The following WDR70 variants were observed in gnomAD, a reference collection of about 807,000 sequenced individuals.
WDR70 encodes the protein WD repeat domain 70.
A neutral mutation model predicts 88.6 loss-of-function variants in WDR70; 53 were observed. That is an observed-to-expected ratio of 0.60 (90% CI 0.48 to 0.75). WDR70 has a LOEUF of 0.75. WDR70 is among the 30% of genes least tolerant of loss of function. The probability of loss-of-function intolerance (pLI) is 0.00; values close to 1 mark genes in which losing one functional copy is unlikely to be tolerated. For missense variants in WDR70, 610 were observed against 823.2 expected, an observed-to-expected ratio of 0.74 and a Z score of 3.17; for synonymous variants, 280 against 270.0, an observed-to-expected ratio of 1.04 and a Z score of -0.36.
rs1368191004 is a variant in WDR70 at position 37,612,672 on chromosome 5, T to C, written c.1092+7434T>C. Among the ~76,000 whole-genome samples, 7 of 152,290 alleles carry C rather than the reference T, an allele frequency of 4.6e-5. No homozygotes were observed. In the East Asian group the frequency reaches 1.3e-3, roughly 29 times the overall value. ...TGTGAACATCTTACGCATCCAAGTC[T>C]GACAGATTTCTAGGCGACTAAAGGT... On this transcript the variant is annotated intron_variant, in intron 10 of 17. Coordinates refer to ENST00000265107, the MANE Select transcript of WDR70 (RefSeq NM_018034.4).
At chr5:37,436,951 C>T (rs1427993215) in intron 5 of WDR70, among the ~76,000 whole-genome samples, 2 of 152,092 alleles carry the variant, frequency 1.3e-5, no homozygotes, top group Admixed American at 1.3e-4. Flanking sequence ...TTAGCCTGCT[C>T]TTGAGTAATG....
chr5:37,489,359 G>A (rs1282617017), intron 8 of WDR70, among the ~76,000 whole-genome samples: 1 of 152,176 alleles, frequency 6.6e-6, no homozygotes, highest in African/African-American at 2.4e-5. Context: ...TGGTGTTGGT[G>A]ATGGCAGTAT....
chr5:37,462,334 G>A (rs528306176), intron 7 of WDR70, among the ~76,000 whole-genome samples: 14 of 151,944 alleles, frequency 9.2e-5, no homozygotes, highest in African/African-American at 3.4e-4. Context: ...ACAGAGTCTC[G>A]CTCATTCGCC....
chr5:37,751,122 G>T (rs1369918438), intron 17 of WDR70, among the ~76,000 whole-genome samples: 2 of 152,078 alleles, frequency 1.3e-5, no homozygotes, highest in Non-Finnish European at 2.9e-5. Flanking sequence ...TTTTAACCTG[G>T]ACAAATTTGT....
At chr5:37,397,633 G>C (rs1310958141) in intron 5 of WDR70, among the ~76,000 whole-genome samples, 1 of 152,178 alleles carries the variant, frequency 6.6e-6, no homozygotes, top group East Asian at 1.9e-4. Context: ...ATGTTATTTG[G>C]GAGGAGGCCA....
intron 9 of WDR70, among the ~76,000 whole-genome samples, chr5:37,541,842 C>A (rs1741825819): frequency 6.6e-6 from 1 of 152,072 alleles, no homozygotes; most frequent in South Asian, 2.1e-4. Flanking sequence ...TAAAAAAAAT[C>A]AAATTGAATA....
intron 10 of WDR70, among the ~76,000 whole-genome samples, chr5:37,665,535 C>T (rs1745813911): frequency 6.6e-6 from 1 of 152,192 alleles, no homozygotes; most frequent in South Asian, 2.1e-4. Flanking sequence ...AGGGTTGCCA[C>T]AACAAAGTCA....
intron 5 of WDR70, among the ~76,000 whole-genome samples, chr5:37,425,339 C>A (rs1331003237): frequency 3.3e-5 from 5 of 152,208 alleles, no homozygotes; most frequent in African/African-American, 1.2e-4. Context: ...TAACATGGAT[C>A]AGAAGTGCTA....
chr5:37,730,283 A>G (rs888228955), intron 17 of WDR70, among the ~76,000 whole-genome samples: 4 of 152,186 alleles, frequency 2.6e-5, no homozygotes, highest in Non-Finnish European at 5.9e-5. Context: ...AATACTATTT[A>G]TAAATATGTC....
At chr5:37,385,041 C>A (rs1748565736) in intron 3 of WDR70, among the ~76,000 whole-genome samples, 1 of 152,184 alleles carries the variant, frequency 6.6e-6, no homozygotes, top group Non-Finnish European at 1.5e-5. Context: ...AAACACTTTA[C>A]TTGCGTTTAA....
intron 8 of WDR70, among the ~76,000 whole-genome samples, chr5:37,493,261 G>C (rs1020126852): frequency 3.3e-5 from 5 of 152,126 alleles, no homozygotes; most frequent in Admixed American, 1.3e-4. Context: ...TCTCTGCTGA[G>C]GGTCTTACAG....
chr5:37,479,177 A>G (rs1739577340), intron 7 of WDR70, among the ~76,000 whole-genome samples: 1 of 152,108 alleles, frequency 6.6e-6, no homozygotes. Context: ...TAAGTTTATA[A>G]CAATAATGAG....
Position 37,605,192 on chromosome 5 carries a change from C to T in WDR70, c.1046C>T (p.Ala349Val), listed in dbSNP as rs1175962837. 1 of 1,611,604 alleles carries T rather than the reference C, an allele frequency of 6.2e-7. No homozygotes were observed. Among genetic ancestry groups the T allele is most frequent in the Non-Finnish European group, 8.5e-7 (1 of 1,178,830 alleles). Residue 349 changes from alanine (A) to valine (V), a missense_variant, in exon 10 of 18, where the codon GCT (alanine) becomes GTT (valine). Physicochemically the swap from Ala to Val is moderately conservative, Grantham distance 64. Transcript: ENST00000265107. The part of the protein sequence containing the change: ...TYSRDGNLIA[A>V]ACQNGSIQIW... ...AGTAGAGATGGAAACCTCATAGCAGCTGCCTGCCAGAATGGAAGCATACAG... is the reference window on the plus strand; with the variant it reads ...AGTAGAGATGGAAACCTCATAGCAGTTGCCTGCCAGAATGGAAGCATACAG...
rs1456826341 is a variant in WDR70 at position 37,675,075 on chromosome 5, C to T, written c.1093-22580C>T. ...CATGTCCTTCGCCCACTTTTTGATG[C>T]GGTTGTTTGTTTTCTTCTTGTAAAT... On this transcript the variant is annotated intron_variant, in intron 10 of 17. Transcript: ENST00000265107. Among the ~76,000 whole-genome samples, 55 of 151,372 alleles carry T rather than the reference C, an allele frequency of 3.6e-4. 1 individual carries two copies. The highest frequency in any genetic ancestry group is 1.0e-3 in the African/African-American group (42 of 41,038).
At chr5:37,570,174 C>G (rs1037416463) in intron 9 of WDR70, among the ~76,000 whole-genome samples, 1 of 151,942 alleles carries the variant, frequency 6.6e-6, no homozygotes, top group Non-Finnish European at 1.5e-5. Flanking sequence ...TAGGTGAATT[C>G]TAGTGAAAGG....
At chr5:37,505,159 T>G (rs1740523009) in intron 8 of WDR70, among the ~76,000 whole-genome samples, 1 of 152,226 alleles carries the variant, frequency 6.6e-6, no homozygotes, top group Admixed American at 6.5e-5. Flanking sequence ...TATTACATTG[T>G]CTTTTATCAG....
chr5:37,586,799 C>T (rs1743378137), intron 9 of WDR70, among the ~76,000 whole-genome samples: 1 of 152,178 alleles, frequency 6.6e-6, no homozygotes, highest in Non-Finnish European at 1.5e-5. Context: ...CTGCCTTTTG[C>T]AGTCCCCATG....
chr5:37,533,425 C>T (rs868333317), intron 9 of WDR70, among the ~76,000 whole-genome samples: 2 of 151,986 alleles, frequency 1.3e-5, no homozygotes, highest in East Asian at 3.9e-4. Context: ...ATCCCTGTCT[C>T]TACTTAAAAC....
intron 10 of WDR70, among the ~76,000 whole-genome samples, chr5:37,677,827 T>C (rs1746284651): frequency 1.3e-5 from 2 of 152,180 alleles, no homozygotes; most frequent in Admixed American, 1.3e-4. Flanking sequence ...ATGTTGACAG[T>C]GGGGTGTTAA....
Sources: allele counts gnomAD v4.1 joint callset (sites outside exome capture counted in the v4.1 genomes callset), GRCh38; gene constraint gnomAD v4.1.1; transcripts MANE v1.5; gene names NCBI Gene and HGNC (gene_info 2026-07-23, HGNC 2026-07-21).